XPR1: variants seen among roughly 807,000 people sequenced by gnomAD.
The protein encoded by XPR1 is xenotropic and polytropic retrovirus receptor 1.
XPR1 carries 28 observed loss-of-function variants against 87.5 expected under a neutral mutation model. That is an observed-to-expected ratio of 0.32 (90% confidence interval 0.24 to 0.44). The LOEUF (loss-of-function observed/expected upper bound fraction) is 0.44, where lower values mean the gene tolerates loss of function less well. Ranked by LOEUF, XPR1 falls within the 20% of genes least tolerant of loss-of-function variation. The probability of loss-of-function intolerance (pLI) is 1.00; values close to 1 mark genes in which losing one functional copy is unlikely to be tolerated. For missense variants in XPR1, 559 were observed against 862.3 expected (o/e 0.65, Z 4.41); for synonymous variants, 300 against 306.1 (o/e 0.98, Z 0.21).
chr1:180,853,923 A>G (rs1344517849), intron 11 of XPR1, among the ~76,000 whole-genome samples: 3 of 151,698 alleles, frequency 2.0e-5, no homozygotes, highest in African/African-American at 7.3e-5. Context: ...AAACAGCTAT[A>G]GGAATCATTA....
intron 2 of XPR1, among the ~76,000 whole-genome samples, chr1:180,774,627 T>G (rs1433627517): frequency 1.3e-5 from 2 of 152,196 alleles, no homozygotes; most frequent in African/African-American, 4.8e-5. Context: ...CAGGGTAGTC[T>G]CAATCTCCTG....
chr1:180,851,377 A>C (rs1235248614), intron 11 of XPR1, among the ~76,000 whole-genome samples: 1 of 152,188 alleles, frequency 6.6e-6, no homozygotes, highest in Non-Finnish European at 1.5e-5. Context: ...GTAGAGGGTA[A>C]GATGGAATCT....
At chr1:180,709,120 C>G (rs1657666468) in intron 2 of XPR1, among the ~76,000 whole-genome samples, 1 of 152,106 alleles carries the variant, frequency 6.6e-6, no homozygotes, top group South Asian at 2.1e-4. Flanking sequence ...CCATGTTGGC[C>G]AGGCTGGTCT....
intron 14 of XPR1, among the ~76,000 whole-genome samples, chr1:180,883,455 A>T (rs4598454): frequency 0.43 from 65,476 of 151,772 alleles, 14,490 homozygotes; most frequent in Non-Finnish European, 0.46. Flanking sequence ...ACACCTGTAA[A>T]CCTAACACTT....
intron 11 of XPR1, among the ~76,000 whole-genome samples, chr1:180,845,693 A>G (rs770852743): frequency 6.6e-6 from 1 of 152,032 alleles, no homozygotes; most frequent in Non-Finnish European, 1.5e-5. Context: ...GCTAATTTTT[A>G]TTATTGTTTT....
intron 12 of XPR1, among the ~76,000 whole-genome samples, chr1:180,865,481 A>G (rs1453218282): frequency 1.4e-5 from 2 of 147,884 alleles, no homozygotes; most frequent in Non-Finnish European, 3.0e-5. Context: ...GCTCACTGCC[A>G]GCTCCACCTC....
intron 2 of XPR1, among the ~76,000 whole-genome samples, chr1:180,694,928 A>AT (rs1657113300): frequency 6.6e-6 from 1 of 151,796 alleles, no homozygotes; most frequent in Admixed American, 6.6e-5. Context: ...GGATTGGGGG[A>AT]TTAAGTGGTC....
At chr1:180,667,860 A>AT in intron 1 of XPR1, among the ~76,000 whole-genome samples, 1 of 151,946 alleles carries the variant, frequency 6.6e-6, no homozygotes, top group Non-Finnish European at 1.5e-5. Context: ...GGATTATCCA[A>AT]TTTTTTGGTG....
intron 14 of XPR1, 56 bp from the exon 15 acceptor site, chr1:180,883,950 A>G (rs1652926624): frequency 6.7e-7 from 1 of 1,491,814 alleles, no homozygotes; most frequent in African/African-American, 1.4e-5. Flanking sequence ...ATACTGTGAA[A>G]GTGTTTATAT....
At chr1:180,633,239 A>G (rs956549679) in intron 1 of XPR1, among the ~76,000 whole-genome samples, 1 of 152,218 alleles carries the variant, frequency 6.6e-6, no homozygotes, top group Non-Finnish European at 1.5e-5. Context: ...AGAAGACAAG[A>G]TACCTAAGAG....
rs980906512 is a variant in XPR1 at position 180,886,187 on chromosome 1, T to G, written c.*2121T>G. 6.6e-6 allele frequency: 1 copy of G among 152,204 alleles called. No individual in the cohort carries two copies. The highest frequency in any genetic ancestry group is 1.5e-5 in the Non-Finnish European group (1 of 68,036). The allele number at this position is 152,204 out of a possible 1,614,324, so 9.4% of individuals were successfully genotyped here. On this transcript the variant is annotated 3_prime_UTR_variant, in exon 15 of 15. Transcript: ENST00000367590. ...AAGGTTGCATTATTTATACTTGAGA[T>G]TTTTTTCCCCTAACTATTCTGTTTT... is the stretch of plus-strand genomic sequence containing the variant.
chr1:180,880,319 G>T (rs768136047), intron 14 of XPR1, 22 bp downstream of exon 14: 3 of 1,612,934 alleles, frequency 1.9e-6, no homozygotes, highest in African/African-American at 2.7e-5. Context: ...TTCTACTTCT[G>T]TGAGGCATAT....
At chr1:180,638,834 T>A (rs1654870047) in intron 1 of XPR1, among the ~76,000 whole-genome samples, 1 of 152,156 alleles carries the variant, frequency 6.6e-6, no homozygotes, top group Admixed American at 6.5e-5. Context: ...ACTTTTGTAA[T>A]ACAAATAAAT....
At chr1:180,689,637 T>C (rs1490177669) in intron 2 of XPR1, among the ~76,000 whole-genome samples, 2 of 152,086 alleles carry the variant, frequency 1.3e-5, no homozygotes, top group African/African-American at 4.8e-5. Flanking sequence ...ATAGATACCA[T>C]GAGGATTCTG....
At chr1:180,688,700 C>G (rs1029270912) in intron 2 of XPR1, among the ~76,000 whole-genome samples, 1 of 151,960 alleles carries the variant, frequency 6.6e-6, no homozygotes, top group African/African-American at 2.4e-5. Context: ...CATATAGTAC[C>G]CGTTTGACAT....
intron 2 of XPR1, among the ~76,000 whole-genome samples, chr1:180,750,044 A>G (rs1647463346): frequency 6.6e-6 from 1 of 152,232 alleles, no homozygotes; most frequent in Admixed American, 6.5e-5. Context: ...TTTATTGAAT[A>G]TTGAAAACAC....
chr1:180,639,948 A>G (rs781077126), intron 1 of XPR1, among the ~76,000 whole-genome samples: 1 of 151,994 alleles, frequency 6.6e-6, no homozygotes, highest in Non-Finnish European at 1.5e-5. Flanking sequence ...CCCTAATTCT[A>G]CTCTCCTTTC....
At chr1:180,853,626 G>GACACACACACACACACACACACAC (rs143320476) in intron 11 of XPR1, among the ~76,000 whole-genome samples, 4 of 140,230 alleles carry the variant, frequency 2.9e-5, no homozygotes, top group African/African-American at 5.3e-5. Context: ...TTAGACTATA[G>GACACACACACACACACACACACAC]ACACACACAC....
intron 7 of XPR1, among the ~76,000 whole-genome samples, chr1:180,816,758 C>A (rs1445485221): frequency 6.6e-6 from 1 of 152,176 alleles, no homozygotes; most frequent in Non-Finnish European, 1.5e-5. Context: ...AAAAGTTTAG[C>A]ACTTAAAATT....
Sources: gnomAD v4.1 joint callset for allele counts (sites outside exome capture counted in the v4.1 genomes callset) on GRCh38, gnomAD v4.1.1 for gene constraint, MANE v1.5 for transcripts, NCBI Gene and HGNC (gene_info 2026-07-23, HGNC 2026-07-21) for gene names.